Variants in SHANK2 observed in about 807,000 individuals in gnomAD.
SHANK2 encodes the protein SH3 and multiple ankyrin repeat domains 2, also known as SH3 and multiple ankyrin repeat domains protein 2.
A neutral mutation model predicts 133.7 loss-of-function variants in SHANK2; 43 were observed. The observed-to-expected ratio is 0.32, with a 90% CI of 0.25 to 0.41. SHANK2 has a LOEUF of 0.41. Ranked by LOEUF, SHANK2 falls within the 10% of genes least tolerant of loss-of-function variation. The probability of loss-of-function intolerance (pLI) is 1.00; values close to 1 mark genes in which losing one functional copy is unlikely to be tolerated. For missense variants in SHANK2, 1,994 were observed against 2,235.8 expected (o/e 0.89, Z 2.18); for synonymous variants, 1,017 against 952.8 (o/e 1.07, Z -1.24).
chr11:70,594,058 G>A (rs140897526), intron 17 of SHANK2, among the ~76,000 whole-genome samples: 15 of 152,284 alleles, frequency 9.9e-5, no homozygotes, highest in East Asian at 9.7e-4. Flanking sequence ...AGGCACTGCC[G>A]TGTTGGAGCT....
rs1354783185 is a variant in SHANK2 at position 70,541,356 on chromosome 11, G to GC, written c.2062-38426dup. Among the ~76,000 whole-genome samples, 23 of 152,336 alleles carry GC rather than the reference G, an allele frequency of 1.5e-4. No homozygotes were observed. In the East Asian group the frequency reaches 1.7e-3, roughly 12 times the overall value. ...GCGGGAACAGTAGGAATAGCCACCG[G>GC]CCCCCCACCAACCATCCTTGGCTTC... On this transcript the variant is annotated intron_variant, in intron 17 of 25. Transcript: ENST00000601538.
chr11:71,171,219 G>A (rs1953307250), intron 2 of SHANK2, among the ~76,000 whole-genome samples: 1 of 152,184 alleles, frequency 6.6e-6, no homozygotes, highest in African/African-American at 2.4e-5. Context: ...GCTTGTCAGG[G>A]GGCTGACAGA....
At chr11:71,126,196 G>A (rs1555102616) in intron 3 of SHANK2, among the ~76,000 whole-genome samples, 1 of 111,682 alleles carries the variant, frequency 9.0e-6, no homozygotes, top group Non-Finnish European at 1.7e-5. Context: ...CCAGCCTGGT[G>A]ACAGAGTGAG....
chr11:70,821,133 G>A (rs919157861), intron 11 of SHANK2, among the ~76,000 whole-genome samples: 3 of 152,170 alleles, frequency 2.0e-5, no homozygotes, highest in Non-Finnish European at 2.9e-5. Context: ...GTGTGTTGAC[G>A]TCCTAAACCC....
At chr11:71,206,413 G>A (rs553417727) in intron 2 of SHANK2, among the ~76,000 whole-genome samples, 15 of 152,272 alleles carry the variant, frequency 9.9e-5, no homozygotes, top group Non-Finnish European at 2.2e-4. Flanking sequence ...ACTGGAATGC[G>A]GATCTGCAAC....
At chr11:70,694,763 G>A (rs1945356021) in intron 15 of SHANK2, among the ~76,000 whole-genome samples, 1 of 152,174 alleles carries the variant, frequency 6.6e-6, no homozygotes, top group East Asian at 1.9e-4. Context: ...CAGGGTTACA[G>A]GGGTGCACAA....
At chr11:71,076,418 C>A (rs959988113) in intron 8 of SHANK2, among the ~76,000 whole-genome samples, 2 of 151,754 alleles carry the variant, frequency 1.3e-5, no homozygotes, top group African/African-American at 2.4e-5. Context: ...AAGAGCTACA[C>A]CTCAGCAATT....
chr11:70,903,450 T>TAAAAC (rs1950054822), intron 10 of SHANK2, among the ~76,000 whole-genome samples: 1 of 150,660 alleles, frequency 6.6e-6, no homozygotes, highest in African/African-American at 2.5e-5. Flanking sequence ...TAAAATAAAA[T>TAAAAC]AAAATAGCAT....
chr11:70,727,810 C>G (rs1555031045), intron 14 of SHANK2, among the ~76,000 whole-genome samples: 1 of 152,228 alleles, frequency 6.6e-6, no homozygotes, highest in Non-Finnish European at 1.5e-5. Flanking sequence ...AACACAGCCT[C>G]TGTTCCCCCA....
chr11:70,823,637 G>A (rs1295781056), intron 11 of SHANK2, among the ~76,000 whole-genome samples: 1 of 148,344 alleles, frequency 6.7e-6, no homozygotes, highest in East Asian at 2.1e-4. Context: ...CAGCATTCAC[G>A]GGGGACAGAG....
At chr11:70,926,767 T>C (rs1293404518) in intron 10 of SHANK2, among the ~76,000 whole-genome samples, 1 of 152,240 alleles carries the variant, frequency 6.6e-6, no homozygotes, top group Non-Finnish European at 1.5e-5. Flanking sequence ...TCCACTGCTC[T>C]GTGTGGCTGT....
intron 21 of SHANK2, 107 bp from the exon 22 acceptor site, chr11:70,492,572 AG>A: frequency 6.9e-7 from 1 of 1,445,642 alleles, no homozygotes; most frequent in Non-Finnish European, 9.6e-7. Context: ...AAAACTGTGC[AG>A]GGGGCATTTG....
chr11:70,649,141 C>A (rs1250465083), intron 17 of SHANK2, among the ~76,000 whole-genome samples: 2 of 152,154 alleles, frequency 1.3e-5, no homozygotes, highest in African/African-American at 4.8e-5. Flanking sequence ...CCATATAACC[C>A]ACTCCTCCAT....
At position 71,110,011 on chromosome 11, in the gene SHANK2, G is replaced by A. The variant is rs1951867949; in HGVS notation, c.522C>T (p.Arg174=). 1 of 1,551,690 alleles carries A rather than the reference G, an allele frequency of 6.4e-7. No individual in the cohort carries two copies. The highest frequency in any genetic ancestry group is 8.7e-7 in the Non-Finnish European group (1 of 1,146,898). The change falls in exon 6 of 26, where the codon CGC becomes CGT. Residue 174 remains arginine (R), a synonymous_variant. Transcript: ENST00000601538. The part of the protein sequence containing the change: ...LKKCMDHIQH[R]LVEKITKMLD... Reference sequence around the variant, plus strand: ...GCATCTTGGTGATCTTCTCCACCAAGCGATGCTGAATGTGATCCATGCATT... The same window carrying A: ...GCATCTTGGTGATCTTCTCCACCAAACGATGCTGAATGTGATCCATGCATT...
chr11:70,618,235 A>C (rs956250139), intron 17 of SHANK2, among the ~76,000 whole-genome samples: 3 of 151,118 alleles, frequency 2.0e-5, no homozygotes, highest in African/African-American at 7.3e-5. Flanking sequence ...CAGAGGTTGC[A>C]GTGAGCCAAG....
At chr11:70,872,618 G>A (rs575223331) in intron 11 of SHANK2, among the ~76,000 whole-genome samples, 1 of 152,094 alleles carries the variant, frequency 6.6e-6, no homozygotes, top group African/African-American at 2.4e-5. Flanking sequence ...ACAGACCAGA[G>A]TCAGGGGCAC....
At chr11:70,949,798 C>T (rs77895952) in intron 10 of SHANK2, among the ~76,000 whole-genome samples, 10,178 of 152,330 alleles carry the variant, frequency 0.067, 742 homozygotes, top group African/African-American at 0.18. Flanking sequence ...TACGGTAGGG[C>T]TGATGCTGAT....
At chr11:70,953,995 G>A (rs1293760902) in intron 10 of SHANK2, among the ~76,000 whole-genome samples, 2 of 152,316 alleles carry the variant, frequency 1.3e-5, no homozygotes, top group East Asian at 3.9e-4. Context: ...CTAATAGACA[G>A]TCTTACATGA....
rs1231453558 is a variant in SHANK2, at chr11:70,879,877, T to A, written c.1174+16624A>T. Among the ~76,000 whole-genome samples, 5 of 151,928 alleles carry A rather than the reference T, an allele frequency of 3.3e-5. No individual in the cohort carries two copies. In the East Asian group the frequency reaches 7.7e-4, roughly 24 times the overall value. On this transcript the variant is annotated intron_variant, in intron 11 of 25. Coordinates refer to ENST00000601538, the MANE Select transcript of SHANK2 (RefSeq NM_012309.5). The stretch of plus-strand genomic sequence containing the variant: ...CCCAGGGAAGGGCACAAGCAAGGAG[T>A]CAGGGAAAGCGGAGTCCACAGGGAT...
Sources: allele counts gnomAD v4.1 joint callset (sites outside exome capture counted in the v4.1 genomes callset), GRCh38; gene constraint gnomAD v4.1.1; transcripts MANE v1.5; gene names NCBI Gene and HGNC (gene_info 2026-07-23, HGNC 2026-07-21).